DCDC2: variants seen among roughly 807,000 people sequenced by gnomAD.
DCDC2 encodes doublecortin domain containing 2, also known as doublecortin domain-containing protein 2.
A neutral mutation model predicts 50.2 loss-of-function variants in DCDC2; 40 were observed. The observed-to-expected ratio is 0.80, with a 90% CI of 0.62 to 1.04. The LOEUF (loss-of-function observed/expected upper bound fraction) is 1.04. Ranked by LOEUF, DCDC2 falls within the 50% of genes least tolerant of loss-of-function variation. DCDC2 has a pLI of 0.00. For synonymous variants in DCDC2, 234 were observed against 210.6 expected (o/e 1.11, Z -0.96); for missense variants, 570 against 581.9 (o/e 0.98, Z 0.21).
the DCDC2 span, among the ~76,000 whole-genome samples, chr6:24,376,125 C>T: frequency 2.2e-4 from 34 of 152,286 alleles, no homozygotes; most frequent in African/African-American, 6.5e-4. Flanking sequence ...TCATGGGAGA[C>T]GAGCTTAAAT....
At chr6:24,187,381 T>G (rs918987997) in intron 8 of DCDC2, among the ~76,000 whole-genome samples, 2 of 152,110 alleles carry the variant, frequency 1.3e-5, no homozygotes, top group African/African-American at 4.8e-5. Flanking sequence ...TGCCCTTCCT[T>G]CCCCATGGGT....
At chr6:24,345,965 G>C (rs1314640597) in intron 2 of DCDC2, among the ~76,000 whole-genome samples, 2 of 152,024 alleles carry the variant, frequency 1.3e-5, no homozygotes, top group African/African-American at 4.8e-5. Context: ...GATCTCTTGA[G>C]GTCAGGAGTT....
chr6:24,329,234 G>T (rs932363771), intron 2 of DCDC2, among the ~76,000 whole-genome samples: 2 of 152,158 alleles, frequency 1.3e-5, no homozygotes, highest in African/African-American at 2.4e-5. Flanking sequence ...TGTAATCAAA[G>T]AGGTATGCAC....
At chr6:24,175,511 G>A (rs1489489234) in intron 9 of DCDC2, among the ~76,000 whole-genome samples, 1 of 152,166 alleles carries the variant, frequency 6.6e-6, no homozygotes, top group Non-Finnish European at 1.5e-5. Context: ...CCAGTCTGGG[G>A]GACAGAGTAG....
chr6:24,177,089 C>T (rs963208336), intron 9 of DCDC2, among the ~76,000 whole-genome samples: 1 of 152,164 alleles, frequency 6.6e-6, no homozygotes, highest in African/African-American at 2.4e-5. Flanking sequence ...CAGAATTACA[C>T]TTTGATTTCA....
In DCDC2 at chr6:24,195,795, A is replaced by C. The variant is rs188186018; in HGVS notation, c.1023+9207T>G. Among the ~76,000 whole-genome samples the C allele has an allele frequency of 2.6e-4, 39 of 152,346 alleles. 1 individual carries two copies. In the East Asian group the frequency reaches 7.3e-3, roughly 29 times the overall value. ...AAGACATCACTCTCTCTGTCTTCCA[A>C]GGCCATTCACTATACAAACATACCT... On this transcript the variant is annotated intron_variant, in intron 8 of 9. Transcript: ENST00000378454.
rs529124045 is a variant in DCDC2 at position 24,302,609 on chromosome 6, C to T, written c.349-565G>A. 1.7e-4 allele frequency among the ~76,000 whole-genome samples: 26 copies of T among 152,180 alleles called. No individual in the cohort carries two copies. In the East Asian group the frequency reaches 3.7e-3, roughly 21 times the overall value. On this transcript the variant is annotated intron_variant, in intron 2 of 9. Transcript: ENST00000378454. ...CACTCACGCCAGCACCCTCAATTCC[C>T]GCAGCCCTTGCCACTGGGTAGATGT...
chr6:24,227,531 A>T (rs1461765563), intron 7 of DCDC2, among the ~76,000 whole-genome samples: 3 of 152,218 alleles, frequency 2.0e-5, no homozygotes, highest in Admixed American at 1.3e-4. Context: ...GAGCACCCTG[A>T]GGGTTAATCA....
intron 8 of DCDC2, among the ~76,000 whole-genome samples, chr6:24,190,487 C>T (rs981917584): frequency 6.6e-6 from 1 of 151,968 alleles, no homozygotes; most frequent in African/African-American, 2.4e-5. Flanking sequence ...ATGTAACAAA[C>T]CTGCACGTTG....
chr6:24,358,709 A>ATATATTT (rs1561788072), upstream of DCDC2, among the ~76,000 whole-genome samples: 12 of 97,674 alleles, frequency 1.2e-4, no homozygotes, highest in African/African-American at 5.1e-4. Context: ...TTTTTTTTAT[A>ATATATTT]TATATATTTT....
chr6:24,242,533 C>A (rs185967043), intron 7 of DCDC2, among the ~76,000 whole-genome samples: 1 of 152,170 alleles, frequency 6.6e-6, no homozygotes, highest in Admixed American at 6.5e-5. Context: ...CTCCACCCAC[C>A]GCCAGCCTCT....
chr6:24,306,535 T>TAGAC (rs776918695), intron 2 of DCDC2, among the ~76,000 whole-genome samples: 653 of 119,096 alleles, frequency 5.5e-3, no homozygotes, highest in Middle Eastern at 0.024. Flanking sequence ...GATAGATAGA[T>TAGAC]AGATAGATAG....
At chr6:24,344,418 G>T (rs78989671) in intron 2 of DCDC2, among the ~76,000 whole-genome samples, 1 of 152,108 alleles carries the variant, frequency 6.6e-6, no homozygotes, top group African/African-American at 2.4e-5. Context: ...TCTTTGCTTA[G>T]AACAGCTTAT....
rs757960384 is a variant in DCDC2, at chr6:24,205,088, T to C, written c.937A>G (p.Lys313Glu). 6.2e-7 allele frequency: 1 copy of C among 1,614,178 alleles called. No individual in the cohort carries two copies. Among genetic ancestry groups the C allele is most frequent in the South Asian group, 1.1e-5 (1 of 91,080 alleles). ...GTTTCAGACCTCTCTGCTCCAGCTT[T>C]GAAAATGCCTTCATCTATTGAGACA... ...TIPNSDEGIFKAGAERSETRG... is the reference protein window; with the variant it reads ...TIPNSDEGIFEAGAERSETRG... The change falls in exon 8 of 10, where the codon AAA (lysine) becomes GAA (glutamate). Residue 313 changes from lysine (K) to glutamate (E), a missense_variant. Physicochemically the swap from Lys to Glu is moderately conservative, Grantham distance 56. Coordinates refer to ENST00000378454, the MANE Select transcript of DCDC2 (RefSeq NM_016356.5).
In DCDC2 at chr6:24,258,077, G is replaced by A. The variant is rs540681966; in HGVS notation, c.922+19972C>T. Among the ~76,000 whole-genome samples, 73 of 152,294 alleles carry A rather than the reference G, an allele frequency of 4.8e-4. 1 individual carries two copies. Among genetic ancestry groups the A allele is most frequent in the Middle Eastern group, 3.4e-3 (1 of 294 alleles). ...AACCTCCTGAAGTAGTGTGTTCAGA[G>A]TGGGTTCCTTCGGGTGGGTTCGTGG... On this transcript the variant is annotated intron_variant, in intron 7 of 9. Coordinates refer to ENST00000378454, the MANE Select transcript of DCDC2 (RefSeq NM_016356.5).
At chr6:24,326,686 C>T (rs143948768) in intron 2 of DCDC2, among the ~76,000 whole-genome samples, 40 of 148,284 alleles carry the variant, frequency 2.7e-4, no homozygotes, top group Admixed American at 6.1e-4. Context: ...GGCAAAAATC[C>T]GTCTCTACTA....
At chr6:24,240,366 A>C (rs1762540915) in intron 7 of DCDC2, among the ~76,000 whole-genome samples, 1 of 152,234 alleles carries the variant, frequency 6.6e-6, no homozygotes, top group African/African-American at 2.4e-5. Flanking sequence ...GATTACAAGC[A>C]TCATGCAATT....
chr6:24,194,568 T>A (rs1761390365), intron 8 of DCDC2, among the ~76,000 whole-genome samples: 4 of 152,234 alleles, frequency 2.6e-5, no homozygotes, highest in Admixed American at 1.3e-4. Flanking sequence ...TCTGTGTTTC[T>A]GAGATGGTGA....
intron 7 of DCDC2, among the ~76,000 whole-genome samples, chr6:24,271,224 A>AAAAG (rs919124775): frequency 1.4e-5 from 2 of 142,936 alleles, no homozygotes; most frequent in African/African-American, 2.7e-5. Flanking sequence ...AAAAAAAAAA[A>AAAAG]AGAGAGAGAG....
Sources: gnomAD v4.1 joint callset for allele counts (sites outside exome capture counted in the v4.1 genomes callset) on GRCh38, gnomAD v4.1.1 for gene constraint, MANE v1.5 for transcripts, NCBI Gene and HGNC (gene_info 2026-07-23, HGNC 2026-07-21) for gene names.